Variants in TMOD1 observed in about 807,000 individuals in gnomAD.
TMOD1 encodes tropomodulin-1.
Under a neutral mutation model 40.6 loss-of-function variants are expected in TMOD1, and 17 were observed. The observed-to-expected ratio is 0.42, with a 90% CI of 0.29 to 0.63. The LOEUF (loss-of-function observed/expected upper bound fraction) is 0.63. Among genes scored for constraint, TMOD1 ranks in the 20% least tolerant of loss-of-function variants. The pLI is 0.22. For synonymous variants in TMOD1, 181 were observed against 175.0 expected (o/e 1.03, Z -0.27); for missense variants, 391 against 447.6 (o/e 0.87, Z 1.14).
chr9:97,545,702 C>T (rs905618724), intron 2 of TMOD1, among the ~76,000 whole-genome samples: 25 of 152,294 alleles, frequency 1.6e-4, no homozygotes, highest in African/African-American at 5.5e-4. Context: ...CTCTTCCTGC[C>T]TGATTCTCCA....
chr9:97,574,252 G>A (rs1171845425), intron 8 of TMOD1, among the ~76,000 whole-genome samples: 2 of 151,992 alleles, frequency 1.3e-5, no homozygotes, highest in Non-Finnish European at 2.9e-5. Flanking sequence ...GGCTGTGCGC[G>A]GCGCTTGCGG....
chr9:97,563,960 C>T, intron 5 of TMOD1, 78 bp from the exon 6 acceptor site: 1 of 1,558,776 alleles, frequency 6.4e-7, no homozygotes, highest in East Asian at 2.3e-5. Flanking sequence ...CACATGCTCC[C>T]TTCCACAGTA....
At chr9:97,511,549 T>C (rs1288716709) in intron 1 of TMOD1, among the ~76,000 whole-genome samples, 1 of 152,186 alleles carries the variant, frequency 6.6e-6, no homozygotes, top group Non-Finnish European at 1.5e-5. Flanking sequence ...ACTTCCCGGC[T>C]TAGCCCAGTG....
At chr9:97,555,968 G>A (rs144213095) in intron 4 of TMOD1, among the ~76,000 whole-genome samples, 5 of 152,322 alleles carry the variant, frequency 3.3e-5, no homozygotes, top group African/African-American at 1.2e-4. Flanking sequence ...TGATGGGCAA[G>A]GCTGGAGAAG....
intron 1 of TMOD1, among the ~76,000 whole-genome samples, chr9:97,511,564 C>A (rs1278492737): frequency 6.6e-6 from 1 of 152,124 alleles, no homozygotes; most frequent in East Asian, 1.9e-4. Context: ...CCAGTGTACC[C>A]CTGGGCAGTT....
At chr9:97,596,850 G>A (rs533546824) in intron 9 of TMOD1, among the ~76,000 whole-genome samples, 2 of 152,314 alleles carry the variant, frequency 1.3e-5, no homozygotes, top group Admixed American at 1.3e-4. Flanking sequence ...CACCTGGGAA[G>A]GTCTGACCAC....
intron 2 of TMOD1, among the ~76,000 whole-genome samples, chr9:97,538,831 C>T (rs1035799602): frequency 6.7e-6 from 1 of 148,632 alleles, no homozygotes; most frequent in Non-Finnish European, 1.5e-5. Flanking sequence ...CCCATCTCTA[C>T]TAAAAATACA....
At chr9:97,586,979 G>T (rs182812563) in intron 8 of TMOD1, among the ~76,000 whole-genome samples, 3 of 152,324 alleles carry the variant, frequency 2.0e-5, no homozygotes, top group African/African-American at 7.2e-5. Context: ...CGTTGCTCAC[G>T]CTGGGAGCTG....
At chr9:97,524,497 G>GGGGGGTGT (rs561183211) in intron 2 of TMOD1, among the ~76,000 whole-genome samples, 189 bp downstream of exon 2, 4 of 142,936 alleles carry the variant, frequency 2.8e-5, no homozygotes, top group East Asian at 4.1e-4. Flanking sequence ...GAACCAATAG[G>GGGGGGTGT]GTGTGTGTGT....
intron 3 of TMOD1, among the ~76,000 whole-genome samples, chr9:97,548,106 C>A (rs1033025648): frequency 6.6e-6 from 1 of 152,156 alleles, no homozygotes; most frequent in Non-Finnish European, 1.5e-5. Flanking sequence ...AATGAAAGCA[C>A]TAATTCTAAT....
At position 97,600,926 on chromosome 9, in the gene TMOD1, T is replaced by G. The variant is rs1826242956; in HGVS notation, c.*1228T>G. On this transcript the variant is annotated 3_prime_UTR_variant, in exon 10 of 10. Transcript: ENST00000259365. Reference sequence around the variant, plus strand: ...TAAACTAATATTTTTGTTTGTTGCTTTTGGGAGTTATTTTCATTAGTGATT... The same window carrying G: ...TAAACTAATATTTTTGTTTGTTGCTGTTGGGAGTTATTTTCATTAGTGATT... The G allele has an allele frequency of 1.7e-6, 2 of 1,158,742 alleles. No homozygotes were observed. Among genetic ancestry groups the G allele is most frequent in the Non-Finnish European group, 1.1e-6 (1 of 917,702 alleles). The allele number at this position is 1,158,742 out of a possible 1,614,324, so 71.8% of individuals were successfully genotyped here.
chr9:97,523,044 C>T lies in TMOD1; in HGVS notation c.-48-1097C>T, dbSNP rs1320764440. Among the ~76,000 whole-genome samples the T allele has an allele frequency of 4.6e-5, 7 of 152,160 alleles. No homozygotes were observed. The East Asian group carries it at 1.3e-3, about 29-fold the overall frequency. On this transcript the variant is annotated intron_variant, in intron 1 of 9. Coordinates refer to ENST00000259365, the MANE Select transcript of TMOD1 (RefSeq NM_003275.4). Reference sequence around the variant, plus strand: ...TGATGTCAGGGGTCCTGAGTCAAGCCCTAGGCCATCCCTTAGTTTTTTCAC... The same window carrying T: ...TGATGTCAGGGGTCCTGAGTCAAGCTCTAGGCCATCCCTTAGTTTTTTCAC...
At chr9:97,598,863 G>A (rs575968140) in intron 9 of TMOD1, among the ~76,000 whole-genome samples, 3 of 152,056 alleles carry the variant, frequency 2.0e-5, no homozygotes, top group Admixed American at 6.5e-5. Context: ...CAGGCCTCTC[G>A]ACTGCCACCT....
At chr9:97,593,120 G>A (rs1007394777) in intron 9 of TMOD1, among the ~76,000 whole-genome samples, 9 of 152,136 alleles carry the variant, frequency 5.9e-5, no homozygotes, top group Admixed American at 2.6e-4. Context: ...TTCCCCCTCA[G>A]TTAAGTTTCT....
At chr9:97,563,007 G>A (rs1487101973) in intron 5 of TMOD1, among the ~76,000 whole-genome samples, 186 bp downstream of exon 5, 1 of 152,150 alleles carries the variant, frequency 6.6e-6, no homozygotes, top group East Asian at 1.9e-4. Context: ...TTATAGAAAT[G>A]TTCTCCTATA....
At chr9:97,585,284 GA>G (rs1401319636) in intron 8 of TMOD1, among the ~76,000 whole-genome samples, 12 of 150,294 alleles carry the variant, frequency 8.0e-5, no homozygotes, top group Admixed American at 6.6e-4. Flanking sequence ...GGCTGGATAT[GA>G]AATTCTGGGT....
chr9:97,503,762 G>T (rs891350024), intron 1 of TMOD1, among the ~76,000 whole-genome samples: 4 of 152,212 alleles, frequency 2.6e-5, no homozygotes, highest in Admixed American at 6.5e-5. Flanking sequence ...ATGGGAGGTG[G>T]ACTGGCCTGG....
intron 4 of TMOD1, 32 bp from the exon 5 acceptor site, chr9:97,562,700 G>T (rs1172321749): frequency 2.0e-6 from 3 of 1,478,656 alleles, no homozygotes; most frequent in Non-Finnish European, 2.7e-6. Flanking sequence ...GTCTGCAGAG[G>T]CACATCATGA....
At chr9:97,563,559 C>T (rs1830672631) in intron 5 of TMOD1, among the ~76,000 whole-genome samples, 1 of 152,152 alleles carries the variant, frequency 6.6e-6, no homozygotes, top group South Asian at 2.1e-4. Flanking sequence ...GCCCTTTTGT[C>T]CTTTCCTGTG....
Sources: gnomAD v4.1 joint callset for allele counts (sites outside exome capture counted in the v4.1 genomes callset) on GRCh38, gnomAD v4.1.1 for gene constraint, MANE v1.5 for transcripts, NCBI Gene and HGNC (gene_info 2026-07-23, HGNC 2026-07-21) for gene names.